Variants in CCNF observed in about 807,000 individuals in gnomAD.
CCNF encodes the protein cyclin F.
In CCNF, 30 loss-of-function variants were observed where a neutral mutation model predicts 85.4. The observed-to-expected ratio is 0.35, with a 90% CI of 0.26 to 0.48. The LOEUF is 0.48. Ranked by LOEUF, CCNF falls within the 20% of genes least tolerant of loss-of-function variation. CCNF has a pLI of 0.99. For missense variants in CCNF, 919 were observed against 1,010.4 expected (o/e 0.91, Z 1.23); for synonymous variants, 439 against 425.1 (o/e 1.03, Z -0.40).
At chr16:2,449,054 C>G (rs2065377571) in intron 11 of CCNF, 76 bp downstream of exon 11, 1 of 1,552,668 alleles carries the variant, frequency 6.4e-7, no homozygotes, top group Non-Finnish European at 8.9e-7. Flanking sequence ...ATTCAGCTTT[C>G]CTGCTGTGGG....
At position 2,443,721 on chromosome 16, in the gene CCNF, T is replaced by A. The variant is rs1186628996; in HGVS notation, c.850T>A (p.Cys284Ser). 3 of 1,614,196 alleles carry A rather than the reference T, an allele frequency of 1.9e-6. No individual in the cohort carries two copies. The highest frequency in any genetic ancestry group is 2.5e-6 in the Non-Finnish European group (3 of 1,180,022). Reference sequence around the variant, plus strand: ...GGTGAGAGCTTCCAGTGAGATCGTCTGCCAGCTATTTCAGGCTTCCCAGGC... The same window carrying A: ...GGTGAGAGCTTCCAGTGAGATCGTCAGCCAGCTATTTCAGGCTTCCCAGGC... ...LEVRASSEIV[C>S]QLFQASQAVS... Residue 284 changes from cysteine (C) to serine (S), a missense_variant, in exon 9 of 17, where the codon TGC becomes AGC. Coordinates refer to ENST00000397066, the MANE Select transcript of CCNF (RefSeq NM_001761.3).
intron 8 of CCNF, among the ~76,000 whole-genome samples, chr16:2,443,042 ATAT>A (rs1431990408): frequency 6.3e-4 from 75 of 119,164 alleles, no homozygotes; most frequent in Admixed American, 1.3e-3. Flanking sequence ...ATATAATATA[ATAT>A]TATGTTATAA....
In CCNF at chr16:2,453,607, G is replaced by A. The variant is rs934285284; in HGVS notation, c.1715+70G>A. 2.5e-5 allele frequency: 40 copies of A among 1,593,104 alleles called. 1 individual carries two copies. The highest frequency in any genetic ancestry group is 2.1e-4 in the African/African-American group (16 of 74,634). ...CTCGTGCCGGCCCAGTTCCCTCAGC[G>A]CTTCCTCACACAGAGAGGCCCCCAA... On this transcript the variant is annotated intron_variant, in intron 15 of 16. Coordinates refer to ENST00000397066, the MANE Select transcript of CCNF (RefSeq NM_001761.3). This position sits in a 1 kb window ranked among gnomAD's most constrained non-coding sequence, Gnocchi z 5.6.
At chr16:2,434,469 T>G (rs1408226165) in intron 3 of CCNF, among the ~76,000 whole-genome samples, 1 of 151,834 alleles carries the variant, frequency 6.6e-6, no homozygotes, top group African/African-American at 2.4e-5. Context: ...AAAAATTAGC[T>G]GGGTGGTGGC....
At position 2,452,550 on chromosome 16, in the gene CCNF, C is replaced by T. The variant is rs1433790717; in HGVS notation, c.1488-660C>T. The T allele has an allele frequency of 1.3e-5, 2 of 152,254 alleles. No individual in the cohort carries two copies. The highest frequency in any genetic ancestry group is 2.1e-4 in the South Asian group (1 of 4,834). 9.4% of individuals were successfully genotyped at this position (152,254 alleles called of 1,614,324 possible). A position where few individuals can be genotyped will look rare whatever the true frequency, so the allele number is the denominator to read the frequency against. On this transcript the variant is annotated intron_variant, in intron 13 of 16. Transcript: ENST00000397066. This position sits in a 1 kb window ranked among gnomAD's most constrained non-coding sequence, Gnocchi z 4.1. ...TTTTCCAAACAAGATAAATTAGAAA[C>T]GTTATTTAGAAACTACACTTCCTTT...
At position 2,451,766 on chromosome 16, in the gene CCNF, G is replaced by A. The variant is rs554987839; in HGVS notation, c.1488-1444G>A. On this transcript the variant is annotated intron_variant, in intron 13 of 16. Coordinates refer to ENST00000397066, the MANE Select transcript of CCNF (RefSeq NM_001761.3). This position sits in a 1 kb window ranked among gnomAD's most constrained non-coding sequence, Gnocchi z 4.3. ...TGACCCTCCCTCCCTCGGGGGCTTC[G>A]GCTTCCTGCCCTAGGCCATGCGGCC... 6.1e-4 allele frequency among the ~76,000 whole-genome samples: 93 copies of A among 152,252 alleles called. 2 individuals carry two copies. The South Asian group carries it at 0.015, about 25-fold the overall frequency.
At position 2,443,713 on chromosome 16, in the gene CCNF, A is replaced by G. The variant is rs2065345041; in HGVS notation, c.842A>G (p.Glu281Gly). Residue 281 changes from glutamate (E) to glycine (G), a missense_variant, in exon 9 of 17, where the codon GAG (glutamate) becomes GGG (glycine). By Grantham distance (98) the Glu-to-Gly change is moderately conservative (BLOSUM62 -2). Around this residue, in one of 3 missense-constraint regions of CCNF, gnomAD observed 410 missense variants for 478.6 expected, o/e 0.86. Transcript: ENST00000397066. The stretch of plus-strand genomic sequence containing the variant: ...GGACTGGAGGTGAGAGCTTCCAGTG[A>G]GATCGTCTGCCAGCTATTTCAGGCT... ...QLGLEVRASS[E>G]IVCQLFQASQ... 6.2e-7 allele frequency: 1 copy of G among 1,614,068 alleles called. No homozygotes were observed. Among genetic ancestry groups the G allele is most frequent in the Non-Finnish European group, 8.5e-7 (1 of 1,179,910 alleles).
chr16:2,457,066 G>T lies in CCNF; in HGVS notation c.*46G>T. 15 of 1,400,382 alleles carry T rather than the reference G, an allele frequency of 1.1e-5. No homozygotes were observed. Among genetic ancestry groups the T allele is most frequent in the Non-Finnish European group, 1.5e-5 (15 of 1,024,894 alleles). The allele number at this position is 1,400,382 out of a possible 1,614,324, so 86.7% of individuals were successfully genotyped here. On this transcript the variant is annotated 3_prime_UTR_variant, in exon 17 of 17. Coordinates refer to ENST00000397066, the MANE Select transcript of CCNF (RefSeq NM_001761.3). ...CAGTGGATGTGTACTGAGGGGGCTG[G>T]AGGCGAAGGGTGGGAGCATAGCATA... is the stretch of plus-strand genomic sequence containing the variant.
Position 2,449,669 on chromosome 16 carries a change from T to G in CCNF, c.1400-159T>G, listed in dbSNP as rs546924374. 1.1e-3 allele frequency among the ~76,000 whole-genome samples: 173 copies of G among 152,186 alleles called. 1 individual carries two copies. The highest frequency in any genetic ancestry group is 1.8e-3 in the Non-Finnish European group (121 of 67,992). On this transcript the variant is annotated intron_variant, in intron 12 of 16. Transcript: ENST00000397066. ...TGTATGGGTTTTTTTCAAAACTATTTTAAAAGGATTGCAACCCTGAGCTCC... is the reference window on the plus strand; with the variant it reads ...TGTATGGGTTTTTTTCAAAACTATTGTAAAAGGATTGCAACCCTGAGCTCC...
In CCNF at chr16:2,443,764, T is replaced by A; in HGVS notation, c.893T>A (p.Val298Asp). 1 of 1,614,042 alleles carries A rather than the reference T, an allele frequency of 6.2e-7. No homozygotes were observed. The highest frequency in any genetic ancestry group is 8.5e-7 in the Non-Finnish European group (1 of 1,180,000). ...QASQAVSKQQ[V>D]FSVQKGLNDT... ...TCCCAGGCTGTCAGTAAACAACAAG[T>A]CTTCTCCGTGCAGAAGGGACTCAAT... is the stretch of plus-strand genomic sequence containing the variant. The change falls in exon 9 of 17, where the codon GTC becomes GAC. Residue 298 changes from valine to aspartate, a missense_variant. This residue lies in a region of CCNF where 410 missense variants were observed against 478.6 expected (regional missense o/e 0.86). Transcript: ENST00000397066.
At chr16:2,450,460 G>C (rs538024859) in intron 13 of CCNF, among the ~76,000 whole-genome samples, 6 of 150,844 alleles carry the variant, frequency 4.0e-5, no homozygotes, top group African/African-American at 1.5e-4. Context: ...GCGGTGAGCC[G>C]AGATTGCGCC....
At chr16:2,432,231 T>A (rs2065266529) in intron 2 of CCNF, among the ~76,000 whole-genome samples, 1 of 152,154 alleles carries the variant, frequency 6.6e-6, no homozygotes, top group Non-Finnish European at 1.5e-5. Flanking sequence ...CATGTAACAT[T>A]TAACACTGAA....
In CCNF at chr16:2,453,371, T is replaced by C; in HGVS notation, c.1588-39T>C. The C allele has an allele frequency of 6.2e-7, 1 of 1,613,728 alleles. No individual in the cohort carries two copies. Among genetic ancestry groups the C allele is most frequent in the Non-Finnish European group, 8.5e-7 (1 of 1,179,884 alleles). The stretch of plus-strand genomic sequence containing the variant: ...GCTGGGGTGTGGGCGGGCCTCACCC[T>C]CGGGGCCTCTGCACCCCCTAACTCT... On this transcript the variant is annotated intron_variant, in intron 14 of 16. Transcript: ENST00000397066. The surrounding 1 kb of genome is among the most constrained non-coding windows in gnomAD (Gnocchi z 5.6).
chr16:2,438,144 C>T (rs374324488), intron 6 of CCNF, 21 bp downstream of exon 6: 88 of 1,569,428 alleles, frequency 5.6e-5, no homozygotes, highest in Non-Finnish European at 7.5e-5. Context: ...TTGTTCTCTG[C>T]ACTGGGACTT....
intron 6 of CCNF, among the ~76,000 whole-genome samples, chr16:2,438,344 G>C (rs1455534941): frequency 6.6e-6 from 1 of 152,188 alleles, no homozygotes; most frequent in African/African-American, 2.4e-5. Flanking sequence ...GGGGGACGGT[G>C]AGAACAGCAG....
intron 13 of CCNF, among the ~76,000 whole-genome samples, chr16:2,450,942 G>A (rs1178107572): frequency 6.6e-6 from 1 of 152,234 alleles, no homozygotes; most frequent in African/African-American, 2.4e-5. Context: ...GAGACTGCGG[G>A]TGGGTCCCTT....
rs1046750424 is a variant in CCNF at position 2,451,429 on chromosome 16, G to A, written c.1487+1514G>A. Among the ~76,000 whole-genome samples the A allele has an allele frequency of 3.9e-5, 6 of 152,220 alleles. No homozygotes were observed. The highest frequency in any genetic ancestry group is 6.5e-5 in the Admixed American group (1 of 15,302). ...AATTTGTACCCGGCCAGCCATCTCCGTCTCCCCTCCTCAGCTGTGCTCACA... is the reference window on the plus strand; with the variant it reads ...AATTTGTACCCGGCCAGCCATCTCCATCTCCCCTCCTCAGCTGTGCTCACA... On this transcript the variant is annotated intron_variant, in intron 13 of 16. Coordinates refer to ENST00000397066, the MANE Select transcript of CCNF (RefSeq NM_001761.3). The surrounding 1 kb of genome is among the most constrained non-coding windows in gnomAD (Gnocchi z 4.3).
intron 2 of CCNF, 116 bp downstream of exon 2, chr16:2,431,400 C>G: frequency 9.0e-7 from 1 of 1,108,242 alleles, no homozygotes; most frequent in Non-Finnish European, 1.3e-6. Context: ...GGGCAGAGGC[C>G]AGGCACGGTG....
intron 2 of CCNF, among the ~76,000 whole-genome samples, chr16:2,432,734 A>G (rs1276335089): frequency 6.6e-6 from 1 of 152,116 alleles, no homozygotes; most frequent in Admixed American, 6.6e-5. Context: ...TCCTTCCCAG[A>G]TCATTGTCCT....
Sources: allele counts gnomAD v4.1 joint callset (sites outside exome capture counted in the v4.1 genomes callset), GRCh38; gene constraint gnomAD v4.1.1; regional missense constraint gnomAD v4.1.1; non-coding constraint Gnocchi (gnomAD v3.1); transcripts MANE v1.5; gene names NCBI Gene and HGNC (gene_info 2026-07-23, HGNC 2026-07-21).